Variants in TOMT observed in about 807,000 individuals in gnomAD.
TOMT encodes the protein transmembrane O-methyltransferase.
TOMT carries 23 observed loss-of-function variants against 21.7 expected under a neutral mutation model. The ratio of observed to expected loss-of-function variants is 1.06; its 90% CI spans 0.76 to 1.50. TOMT has a LOEUF of 1.50. Among genes scored for constraint, TOMT ranks in the 40% most tolerant of loss-of-function variants. The pLI, the probability that TOMT is intolerant of heterozygous loss-of-function variation, is 0.00. For missense variants in TOMT, 331 were observed against 348.7 expected (o/e 0.95, Z 0.41); for synonymous variants, 132 against 150.8 (o/e 0.88, Z 0.91).
At chr11:72,107,229 T>G (rs146662171) in intron 1 of TOMT, 10,867 of 579,828 alleles carry the variant, frequency 0.019, 151 homozygotes, top group Middle Eastern at 0.046. Context: ...ATCATGCTAC[T>G]GCACTCCAGC....
At chr11:72,107,175 GA>G in intron 1 of TOMT, 1 of 467,606 alleles carries the variant, frequency 2.1e-6, no homozygotes, top group Non-Finnish European at 3.8e-6. Flanking sequence ...GCTGAGGTGG[GA>G]GGATTGCCTG....
Position 72,108,910 on chromosome 11 carries a change from T to A in TOMT, c.762T>A (p.Tyr254Ter). 1 of 1,540,166 alleles carries A rather than the reference T, an allele frequency of 6.5e-7. No homozygotes were observed. Among genetic ancestry groups the A allele is most frequent in the Non-Finnish European group, 8.8e-7 (1 of 1,140,206 alleles). The change falls in exon 3 of 3, where the codon TAT becomes TAA. Residue 254 changes from tyrosine to a stop codon, truncating the protein, a stop_gained. Transcript: ENST00000541899. LOFTEE classifies it high-confidence loss of function. Reference sequence around the variant, plus strand: ...AGGATGGAATAGCTCAGCTCACCTATGCTGGACCAGGCTGAGGTCCAGGCC... The same window carrying A: ...AGGATGGAATAGCTCAGCTCACCTAAGCTGGACCAGGCTGAGGTCCAGGCC...
intron 1 of TOMT, 156 bp downstream of exon 1, chr11:72,106,366 A>C: frequency 1.3e-6 from 1 of 778,616 alleles, no homozygotes; most frequent in Non-Finnish European, 1.9e-6. Context: ...AGCTTGGACT[A>C]AGTCATTTAT....
At chr11:72,106,800 G>C (rs1175270024) in intron 1 of TOMT, 1 of 152,396 alleles carries the variant, frequency 6.6e-6, no homozygotes, top group Admixed American at 6.5e-5. Context: ...AATTACCCAG[G>C]CATGGTGGCA....
exon 1 of TOMT, chr11:72,106,018 T>C: frequency 6.4e-7 from 1 of 1,551,170 alleles, no homozygotes; most frequent in South Asian, 1.2e-5. Flanking sequence ...GTACCGGCAC[T>C]ACTTCCGATT....
At chr11:72,108,049 T>C (rs1945881387) in exon 2 of TOMT, 6 of 1,551,158 alleles carry the variant, frequency 3.9e-6, no homozygotes, top group Non-Finnish European at 5.2e-6. Context: ...CTTCTTACTG[T>C]GGAGCGGGAC....
At chr11:72,106,307 T>C in intron 1 of TOMT, 97 bp downstream of exon 1, 1 of 1,307,000 alleles carries the variant, frequency 7.7e-7, no homozygotes, top group East Asian at 2.6e-5. Flanking sequence ...ATTGGGCAGG[T>C]TCTTGATCCT....
chr11:72,106,248 C>T lies in TOMT; in HGVS notation c.259+38C>T, dbSNP rs1360199452. The T allele has an allele frequency of 7.8e-6, 11 of 1,418,434 alleles. No individual in the cohort carries two copies. In the East Asian group the frequency reaches 2.8e-4, roughly 36 times the overall value. The allele number at this position is 1,418,434 out of a possible 1,614,324, so 87.9% of individuals were successfully genotyped here. A position where few individuals can be genotyped will look rare whatever the true frequency, so the allele number is the denominator to read the frequency against. ...TAGCCTTCTGCTCCAAGAAGTACCC[C>T]CAAGACAGTGAAGGAATATTTGGGA... On this transcript the variant is annotated intron_variant, in intron 1 of 2. Coordinates refer to ENST00000541899, the Ensembl canonical transcript of TOMT.
chr11:72,106,065 C>T, exon 1 of TOMT: 2 of 1,550,826 alleles, frequency 1.3e-6, no homozygotes, highest in Non-Finnish European at 1.7e-6. Flanking sequence ...GCCTCCGAGA[C>T]TGCCTGTCAG....
At chr11:72,106,695 C>CT (rs1208861653) in intron 1 of TOMT, 2 of 152,734 alleles carry the variant, frequency 1.3e-5, no homozygotes, top group African/African-American at 4.8e-5. Flanking sequence ...AATCCCAGCA[C>CT]TTTGAGAGGC....
chr11:72,107,199 C>T (rs566615512), intron 1 of TOMT: 6 of 503,998 alleles, frequency 1.2e-5, no homozygotes, highest in South Asian at 2.8e-5. Flanking sequence ...CCTGGGTGGT[C>T]AAGGCTGCAG....
At chr11:72,106,156 C>T (rs1945678994) in exon 1 of TOMT, 1 of 1,529,216 alleles carries the variant, frequency 6.5e-7, no homozygotes, top group African/African-American at 1.4e-5. Flanking sequence ...CCTCACCACC[C>T]TGGACCACTG....
intron 1 of TOMT, 198 bp from the exon 2 acceptor site, chr11:72,107,724 GA>G (rs1945827285): frequency 1.6e-6 from 1 of 627,304 alleles, no homozygotes; most frequent in Non-Finnish European, 2.8e-6. Flanking sequence ...AGATTTGTTG[GA>G]AAGATTCCAG....
intron 1 of TOMT, 115 bp from the exon 2 acceptor site, chr11:72,107,808 T>C: frequency 1.7e-6 from 2 of 1,164,202 alleles, no homozygotes; most frequent in Admixed American, 2.1e-5. Context: ...AAGAGACAGA[T>C]GAGACCCCGG....
At chr11:72,109,172 G>A (rs1946068932) in exon 3 of TOMT, 2 of 534,292 alleles carry the variant, frequency 3.7e-6, no homozygotes, top group African/African-American at 1.9e-5. Context: ...CAAGAAGCCT[G>A]AGCTCCCGAC....
rs369940242 is a variant in TOMT at position 72,108,101 on chromosome 11, C to T, written c.438C>T (p.Ala146=). 68 of 1,525,592 alleles carry T rather than the reference C, an allele frequency of 4.5e-5. No individual in the cohort carries two copies. Among genetic ancestry groups the T allele is most frequent in the Non-Finnish European group, 5.9e-5 (67 of 1,131,082 alleles). 94.5% of individuals were successfully genotyped at this position (1,525,592 alleles called of 1,614,324 possible). A position where few individuals can be genotyped will look rare whatever the true frequency, so the allele number is the denominator to read the frequency against. The change falls in exon 2 of 3, where the codon GCC becomes GCT. Residue 146 remains alanine, a synonymous_variant. Coordinates refer to ENST00000541899, the Ensembl canonical transcript of TOMT. ...TGGCTGAAAAACTCATCCGCCTGGC[C>T]GGCTTTGATGAGCACATGGTCAGCC...
At chr11:72,105,962 C>A in exon 1 of TOMT, 2 of 1,548,990 alleles carry the variant, frequency 1.3e-6, no homozygotes, top group Non-Finnish European at 1.7e-6. Context: ...ATGTCCCCTG[C>A]CATTGCATTG....
downstream of TOMT, chr11:72,109,466 AACT>A (rs1946125972): frequency 2.5e-6 from 1 of 396,274 alleles, no homozygotes; most frequent in Admixed American, 3.2e-5. Flanking sequence ...GGCCTTCCCT[AACT>A]CTGGCCCACC....
At position 72,106,215 on chromosome 11, in the gene TOMT, G is replaced by C; in HGVS notation, c.259+5G>C. ...GCCACATGGGGCCTGTCAAAGGTCA[G>C]TGTTCCCTAGCCTTCTGCTCCAAGA... is the stretch of plus-strand genomic sequence containing the variant. On this transcript the variant is annotated splice_donor_5th_base_variant and intron_variant, in intron 1 of 2. Transcript: ENST00000541899. The C allele has an allele frequency of 1.4e-6, 2 of 1,480,606 alleles. No homozygotes were observed. Among genetic ancestry groups the C allele is most frequent in the Non-Finnish European group, 1.8e-6 (2 of 1,110,854 alleles). The allele number at this position is 1,480,606 out of a possible 1,614,324, so 91.7% of individuals were successfully genotyped here.
Sources: gnomAD v4.1 joint callset for allele counts on GRCh38, gnomAD v4.1.1 for gene constraint, MANE v1.5 for transcripts, NCBI Gene and HGNC (gene_info 2026-07-23, HGNC 2026-07-21) for gene names.